Variants in KIF16B observed in about 807,000 individuals in gnomAD.
KIF16B encodes kinesin family member 16B.
A neutral mutation model predicts 156.3 loss-of-function variants in KIF16B; 98 were observed. The ratio of observed to expected loss-of-function variants is 0.63; its 90% CI spans 0.53 to 0.74. The LOEUF (loss-of-function observed/expected upper bound fraction) is 0.74. Ranked by LOEUF, KIF16B falls within the 30% of genes least tolerant of loss-of-function variation. The pLI is 0.00. For synonymous variants in KIF16B, 564 were observed against 583.7 expected (o/e 0.97, Z 0.49); for missense variants, 1,421 against 1,606.5 (o/e 0.88, Z 1.97).
chr20:16,391,861 T>C (rs543034682), intron 17 of KIF16B, among the ~76,000 whole-genome samples: 1 of 152,262 alleles, frequency 6.6e-6, no homozygotes, highest in South Asian at 2.1e-4. Context: ...TGGCTGACCA[T>C]GTATCCTGAG....
chr20:16,398,605 G>A (rs1473506121), intron 17 of KIF16B, among the ~76,000 whole-genome samples: 3 of 151,964 alleles, frequency 2.0e-5, no homozygotes, highest in African/African-American at 7.2e-5. Flanking sequence ...GTCCATTTAA[G>A]GAAAAAAAAT....
At chr20:16,372,131 G>T (rs2064837325) in intron 20 of KIF16B, among the ~76,000 whole-genome samples, 1 of 152,166 alleles carries the variant, frequency 6.6e-6, no homozygotes, top group Non-Finnish European at 1.5e-5. Flanking sequence ...TTCATTCAGA[G>T]CCTTGGGTTC....
chr20:16,557,608 T>C lies in KIF16B; in HGVS notation c.47+15621A>G, dbSNP rs539729958. Among the ~76,000 whole-genome samples the C allele has an allele frequency of 3.3e-5, 5 of 152,248 alleles. No homozygotes were observed. The South Asian group carries it at 1.0e-3, about 32-fold the overall frequency. On this transcript the variant is annotated intron_variant, in intron 1 of 25. Transcript: ENST00000354981. Reference sequence around the variant, plus strand: ...GAATCTGAGGCTCAGAGAAGTACAATAATACATCCAAGCTCACAAAATGAG... The same window carrying C: ...GAATCTGAGGCTCAGAGAAGTACAACAATACATCCAAGCTCACAAAATGAG...
intron 15 of KIF16B, among the ~76,000 whole-genome samples, chr20:16,426,794 C>T (rs2066364621): frequency 6.6e-6 from 1 of 151,880 alleles, no homozygotes; most frequent in South Asian, 2.1e-4. Flanking sequence ...TTAAAAGAAA[C>T]CATTGTGTTA....
chr20:16,561,260 C>G (rs2071049404), intron 1 of KIF16B, among the ~76,000 whole-genome samples: 1 of 152,098 alleles, frequency 6.6e-6, no homozygotes, highest in South Asian at 2.1e-4. Context: ...AGCTGCTGCA[C>G]TCCAGCCTGG....
At chr20:16,463,736 T>C (rs1220091410) in intron 12 of KIF16B, among the ~76,000 whole-genome samples, 3 of 152,182 alleles carry the variant, frequency 2.0e-5, no homozygotes, top group Non-Finnish European at 4.4e-5. Flanking sequence ...ATTGAGAAAG[T>C]AAATTATTCT....
rs1206429737 is a variant in KIF16B, at chr20:16,573,428, A to C, written c.-153T>G. 1.3e-6 allele frequency: 1 copy of C among 765,088 alleles called. No individual in the cohort carries two copies. Among genetic ancestry groups the C allele is most frequent in the Non-Finnish European group, 2.1e-6 (1 of 477,624 alleles). The allele number at this position is 765,088 out of a possible 1,614,324, so 47.4% of individuals were successfully genotyped here. A position where few individuals can be genotyped will look rare whatever the true frequency, so the allele number is the denominator to read the frequency against. On this transcript the variant is annotated 5_prime_UTR_variant, in exon 1 of 26. Transcript: ENST00000354981. The stretch of plus-strand genomic sequence containing the variant: ...GGACCTGGAGTTCCGCGGCAGCCCC[A>C]CCTGCCAGGCCACTGAGCATGCCCA...
At chr20:16,297,271 C>A (rs556082812) in intron 25 of KIF16B, among the ~76,000 whole-genome samples, 1 of 152,326 alleles carries the variant, frequency 6.6e-6, no homozygotes, top group South Asian at 2.1e-4. Flanking sequence ...CTCAGGAGAA[C>A]TCTAACAGAG....
At chr20:16,343,428 C>G (rs970298569) in intron 23 of KIF16B, among the ~76,000 whole-genome samples, 2 of 152,172 alleles carry the variant, frequency 1.3e-5, no homozygotes, top group African/African-American at 4.8e-5. Context: ...GAATCATACT[C>G]CAACCAGCTG....
chr20:16,526,309 G>A, intron 2 of KIF16B, 104 bp from the exon 3 acceptor site: 1 of 513,976 alleles, frequency 1.9e-6, no homozygotes, highest in South Asian at 4.7e-5. Flanking sequence ...CATTCCTGCT[G>A]GCTTCTCTAA....
intron 15 of KIF16B, among the ~76,000 whole-genome samples, chr20:16,417,789 A>G (rs1264669892): frequency 6.6e-6 from 1 of 152,150 alleles, no homozygotes; most frequent in African/African-American, 2.4e-5. Context: ...AAGTCAGTGA[A>G]CTTAAACACA....
At chr20:16,430,961 AC>A (rs527445935) in intron 12 of KIF16B, among the ~76,000 whole-genome samples, 5 of 124,000 alleles carry the variant, frequency 4.0e-5, no homozygotes, top group Admixed American at 3.7e-4. Flanking sequence ...AACAAAACAA[AC>A]AAAAAAAACC....
At chr20:16,305,397 A>G (rs1267315173) in intron 25 of KIF16B, among the ~76,000 whole-genome samples, 2 of 152,212 alleles carry the variant, frequency 1.3e-5, no homozygotes, top group Non-Finnish European at 2.9e-5. Context: ...AGTGCTTTTT[A>G]TCAACCATAC....
Position 16,453,650 on chromosome 20 carries a change from T to C in KIF16B, c.1303-23668A>G, listed in dbSNP as rs555002347. The stretch of plus-strand genomic sequence containing the variant: ...CACAAATGGAAAAATGGGAGATTTA[T>C]AGGAACATATTTCACGGAAAAGGAA... On this transcript the variant is annotated intron_variant, in intron 12 of 25. Transcript: ENST00000354981. 1.4e-4 allele frequency among the ~76,000 whole-genome samples: 22 copies of C among 152,342 alleles called. 1 individual carries two copies. The highest frequency in any genetic ancestry group is 5.1e-4 in the African/African-American group (21 of 41,566).
At chr20:16,279,547 G>T (rs898703692) in intron 25 of KIF16B, among the ~76,000 whole-genome samples, 21 of 152,174 alleles carry the variant, frequency 1.4e-4, no homozygotes, top group African/African-American at 5.1e-4. Context: ...TCAGGAATCA[G>T]AAGAAACCTT....
chr20:16,467,922 A>AAAC (rs1568568814), intron 12 of KIF16B, among the ~76,000 whole-genome samples: 1 of 152,190 alleles, frequency 6.6e-6, no homozygotes, highest in African/African-American at 2.4e-5. Context: ...TGCTCAATTA[A>AAAC]AACCATAAAA....
rs373248684 is a variant in KIF16B at position 16,297,579 on chromosome 20, C to T, written c.3795+14756G>A. ...GGCGTGGTGGCGGGCACCTGTAGTC[C>T]CAGCTTCTTGGGAGGCTGAGGCAGG... On this transcript the variant is annotated intron_variant, in intron 25 of 25. Transcript: ENST00000354981. 7.8e-4 allele frequency among the ~76,000 whole-genome samples: 118 copies of T among 151,944 alleles called. 3 individuals are homozygous for T. The South Asian group carries it at 0.024, about 31-fold the overall frequency.
chr20:16,501,380 G>T (rs141468445), intron 10 of KIF16B, among the ~76,000 whole-genome samples: 1 of 119,522 alleles, frequency 8.4e-6, no homozygotes, highest in Admixed American at 7.8e-5. Context: ...GAATTTAACC[G>T]GCACTTCTAT....
At chr20:16,332,812 G>A (rs2063970374) in intron 24 of KIF16B, among the ~76,000 whole-genome samples, 2 of 151,158 alleles carry the variant, frequency 1.3e-5, no homozygotes, top group Admixed American at 1.3e-4. Flanking sequence ...GTATTTTTAA[G>A]AGAAGGTTCA....
Sources: gnomAD v4.1 joint callset for allele counts (sites outside exome capture counted in the v4.1 genomes callset) on GRCh38, gnomAD v4.1.1 for gene constraint, MANE v1.5 for transcripts, NCBI Gene and HGNC (gene_info 2026-07-23, HGNC 2026-07-21) for gene names.